The following PRKCE variants were observed in gnomAD, a reference collection of about 807,000 sequenced individuals.
The protein encoded by PRKCE is protein kinase C epsilon type.
A neutral mutation model predicts 85.4 loss-of-function variants in PRKCE; 16 were observed. The ratio of observed to expected loss-of-function variants is 0.19; its 90% confidence interval spans 0.13 to 0.28. The LOEUF (loss-of-function observed/expected upper bound fraction) is 0.28, where lower values mean the gene tolerates loss of function less well. PRKCE is among the 10% of genes least tolerant of loss of function. The pLI is 1.00. For synonymous variants in PRKCE, 388 were observed against 371.5 expected (o/e 1.04, Z -0.51); for missense variants, 573 against 975.2 (o/e 0.59, Z 5.49).
intron 1 of PRKCE, among the ~76,000 whole-genome samples, chr2:45,787,315 G>A (rs1414811534): frequency 6.6e-6 from 1 of 152,130 alleles, no homozygotes; most frequent in Non-Finnish European, 1.5e-5. Context: ...AAATAGCCTA[G>A]TAGGATAAAA....
chr2:46,022,413 T>G (rs547994636), intron 10 of PRKCE, among the ~76,000 whole-genome samples: 99 of 152,286 alleles, frequency 6.5e-4, no homozygotes, highest in African/African-American at 2.3e-3. Flanking sequence ...ACAAGGACAA[T>G]GACAAAGTCA....
At chr2:46,066,443 T>C (rs890594445) in intron 10 of PRKCE, among the ~76,000 whole-genome samples, 1 of 152,234 alleles carries the variant, frequency 6.6e-6, no homozygotes, top group African/African-American at 2.4e-5. Context: ...TGTTGCTTTT[T>C]GATTTTCCCA....
intron 2 of PRKCE, among the ~76,000 whole-genome samples, chr2:45,927,089 T>C (rs1227683985): frequency 6.6e-6 from 1 of 150,922 alleles, no homozygotes; most frequent in Non-Finnish European, 1.5e-5. Flanking sequence ...CATGTGAGCG[T>C]GCATGGGACA....
At chr2:45,828,806 GAAGAA>G (rs1399829920) in intron 1 of PRKCE, among the ~76,000 whole-genome samples, 1 of 152,018 alleles carries the variant, frequency 6.6e-6, no homozygotes, top group Non-Finnish European at 1.5e-5. Context: ...GTAGAAGGTA[GAAGAA>G]AAGTAGAAAG....
At chr2:45,821,806 G>A (rs755186056) in intron 1 of PRKCE, among the ~76,000 whole-genome samples, 9 of 152,188 alleles carry the variant, frequency 5.9e-5, no homozygotes, top group African/African-American at 7.2e-5. Flanking sequence ...GAAGTGTCCC[G>A]ATGGCAGCTG....
chr2:45,922,544 C>T (rs534327454), intron 2 of PRKCE, among the ~76,000 whole-genome samples: 11 of 152,258 alleles, frequency 7.2e-5, no homozygotes, highest in East Asian at 1.9e-4. Flanking sequence ...TTGGATGACC[C>T]GCCACCTGCT....
At chr2:45,935,522 C>G (rs541684630) in intron 2 of PRKCE, among the ~76,000 whole-genome samples, 6 of 152,270 alleles carry the variant, frequency 3.9e-5, no homozygotes, top group African/African-American at 1.2e-4. Context: ...CACGGTGGCT[C>G]ACGCCTATAA....
intron 11 of PRKCE, among the ~76,000 whole-genome samples, chr2:46,122,556 T>C (rs1261138651): frequency 1.3e-5 from 2 of 152,194 alleles, no homozygotes; most frequent in East Asian, 1.9e-4. Context: ...AAACTGACCT[T>C]AGTGATGAAA....
At chr2:45,990,708 G>T (rs573711007) in intron 6 of PRKCE, among the ~76,000 whole-genome samples, 1 of 150,262 alleles carries the variant, frequency 6.7e-6, no homozygotes, top group East Asian at 2.0e-4. Flanking sequence ...AGGCTGGAGT[G>T]CAGTGACATG....
At position 45,893,747 on chromosome 2, in the gene PRKCE, C is replaced by T. The variant is rs373796818; in HGVS notation, c.412+50684C>T. Reference sequence around the variant, plus strand: ...CACTCTTATTTGCCCACTCATTGATCCCCCTGCAAATACTCACTTGAACTG... The same window carrying T: ...CACTCTTATTTGCCCACTCATTGATTCCCCTGCAAATACTCACTTGAACTG... On this transcript the variant is annotated intron_variant, in intron 2 of 14. Coordinates refer to ENST00000306156, the MANE Select transcript of PRKCE (RefSeq NM_005400.3). Among the ~76,000 whole-genome samples the T allele has an allele frequency of 9.1e-4, 139 of 152,228 alleles. 4 individuals are homozygous for T. The South Asian group carries it at 0.028, about 30-fold the overall frequency.
chr2:45,927,938 G>T (rs1415913707), intron 2 of PRKCE, among the ~76,000 whole-genome samples: 2 of 152,024 alleles, frequency 1.3e-5, no homozygotes, highest in Admixed American at 6.6e-5. Flanking sequence ...GGAGAGGGTG[G>T]GGGGGCCTGG....
chr2:45,935,504 G>A (rs1017409343), intron 2 of PRKCE, among the ~76,000 whole-genome samples: 12 of 152,134 alleles, frequency 7.9e-5, no homozygotes, highest in Admixed American at 7.9e-4. Context: ...TTGCAGCTTA[G>A]GGTTGGGCAC....
At chr2:46,094,009 A>G (rs1035163838) in intron 11 of PRKCE, among the ~76,000 whole-genome samples, 1 of 151,996 alleles carries the variant, frequency 6.6e-6, no homozygotes, top group Non-Finnish European at 1.5e-5. Flanking sequence ...TTTGTTTTCT[A>G]TGTAATTATT....
At chr2:45,986,544 G>A (rs1703341730) in intron 6 of PRKCE, among the ~76,000 whole-genome samples, 1 of 152,186 alleles carries the variant, frequency 6.6e-6, no homozygotes, top group Admixed American at 6.5e-5. Flanking sequence ...TCCAGGAGGA[G>A]GTGAGTGGAC....
chr2:45,899,646 G>A (rs554333465), intron 2 of PRKCE, among the ~76,000 whole-genome samples: 1 of 152,270 alleles, frequency 6.6e-6, no homozygotes, highest in African/African-American at 2.4e-5. Context: ...GCCTCCCAAA[G>A]TGCTGAGATT....
At chr2:45,731,469 A>G (rs1466820543) in intron 1 of PRKCE, among the ~76,000 whole-genome samples, 1 of 152,116 alleles carries the variant, frequency 6.6e-6, no homozygotes, top group Non-Finnish European at 1.5e-5. Context: ...TCTTCAGGAA[A>G]CTGGGAGAAG....
At chr2:45,730,211 G>A (rs979247888) in intron 1 of PRKCE, among the ~76,000 whole-genome samples, 8 of 152,182 alleles carry the variant, frequency 5.3e-5, no homozygotes, top group African/African-American at 1.9e-4. Flanking sequence ...ACCCAGACTT[G>A]AGTGCAGTGG....
chr2:45,655,191 C>G (rs913517539), intron 1 of PRKCE, among the ~76,000 whole-genome samples: 1 of 152,192 alleles, frequency 6.6e-6, no homozygotes, highest in Non-Finnish European at 1.5e-5. Flanking sequence ...CTGGGTTACT[C>G]TCAAGGGGCT....
At chr2:45,983,806 T>C (rs1410950978) in intron 5 of PRKCE, among the ~76,000 whole-genome samples, 1 of 152,194 alleles carries the variant, frequency 6.6e-6, no homozygotes, top group Non-Finnish European at 1.5e-5. Flanking sequence ...CCGTTCTGAC[T>C]GATCCACAGT....
Sources: allele counts gnomAD v4.1 joint callset (sites outside exome capture counted in the v4.1 genomes callset), GRCh38; gene constraint gnomAD v4.1.1; transcripts MANE v1.5; gene names NCBI Gene and HGNC (gene_info 2026-07-23, HGNC 2026-07-21).